The following TMEM237 variants were observed in gnomAD, a reference collection of about 807,000 sequenced individuals.
TMEM237 encodes amyotrophic lateral sclerosis 2 (juvenile) chromosome region, candidate 4.
Under a neutral mutation model 59.1 loss-of-function variants are expected in TMEM237, and 51 were observed. The observed-to-expected ratio is 0.86, with a 90% CI of 0.69 to 1.09. TMEM237 has a LOEUF of 1.09. Among genes scored for constraint, TMEM237 ranks in the 50% least tolerant of loss-of-function variants. The pLI is 0.00. For synonymous variants in TMEM237, 140 were observed against 166.1 expected, an observed-to-expected ratio of 0.84 and a Z score of 1.21; for missense variants, 475 against 478.3, an observed-to-expected ratio of 0.99 and a Z score of 0.06.
At position 201,643,494 on chromosome 2, in the gene TMEM237, G is replaced by T; in HGVS notation, c.-94C>A. On this transcript the variant is annotated 5_prime_UTR_variant, in exon 1 of 13. Coordinates refer to ENST00000409883, the MANE Select transcript of TMEM237 (RefSeq NM_001044385.3). This position sits in a 1 kb window ranked among gnomAD's most constrained non-coding sequence, Gnocchi z 4.3. ...CGGCCTCCGGGACCTGTGGGACGCC[G>T]GGGCTTCGTGGCGCCTGGCGAGGCA... is the stretch of plus-strand genomic sequence containing the variant. 8.9e-7 allele frequency: 1 copy of T among 1,123,288 alleles called. No homozygotes were observed. Among genetic ancestry groups the T allele is most frequent in the South Asian group, 2.4e-5 (1 of 42,510 alleles). The allele number at this position is 1,123,288 out of a possible 1,614,324, so 69.6% of individuals were successfully genotyped here.
At position 201,624,040 on chromosome 2, in the gene TMEM237, C is replaced by T; in HGVS notation, c.*215G>A. On this transcript the variant is annotated 3_prime_UTR_variant, in exon 13 of 13. Transcript: ENST00000409883. ...ACTTGCTGGTTTCTAGTTCATTATT[C>T]CCTTTGTCATTAAGATGATAATGCT... 1 of 383,864 alleles carries T rather than the reference C, an allele frequency of 2.6e-6. No individual in the cohort carries two copies. The highest frequency in any genetic ancestry group is 4.1e-5 in the East Asian group (1 of 24,370). The allele number at this position is 383,864 out of a possible 1,614,324, so 23.8% of individuals were successfully genotyped here. A position where few individuals can be genotyped will look rare whatever the true frequency, so the allele number is the denominator to read the frequency against.
intron 4 of TMEM237, among the ~76,000 whole-genome samples, chr2:201,637,947 A>T (rs1238682720): frequency 6.6e-6 from 1 of 152,190 alleles, no homozygotes; most frequent in Admixed American, 6.5e-5. Flanking sequence ...GCAAGATAAT[A>T]ACTAAAGCTT....
intron 12 of TMEM237, among the ~76,000 whole-genome samples, chr2:201,625,382 A>AAAAAAG (rs1559584016): frequency 6.6e-6 from 1 of 152,066 alleles, no homozygotes; most frequent in African/African-American, 2.4e-5. Context: ...AAATAAAAAA[A>AAAAAAG]AAAAGATATT....
chr2:201,637,034 C>T, intron 4 of TMEM237, 149 bp from the exon 5 acceptor site: 5 of 767,582 alleles, frequency 6.5e-6, no homozygotes, highest in Non-Finnish European at 7.7e-6. Flanking sequence ...TTTCCTTCCT[C>T]CTCACCTGTA....
chr2:201,627,394 G>C lies in TMEM237; in HGVS notation c.964C>G (p.Leu322Val), dbSNP rs2105898068. Reference protein sequence around the residue: ...ASFLYFTALILSLSQQMTSDR... With the variant: ...ASFLYFTALIVSLSQQMTSDR... ...CTTGTCATTTGCTGACTCAGAGATA[G>C]TATAAGAGCAGTAAAGTACACTGAG... Residue 322 changes from leucine (L) to valine (V), a missense_variant, in exon 11 of 13, where the codon CTA becomes GTA. Physicochemically the swap from Leu to Val is conservative, Grantham distance 32. Coordinates refer to ENST00000409883, the MANE Select transcript of TMEM237 (RefSeq NM_001044385.3). 1 of 1,601,928 alleles carries C rather than the reference G, an allele frequency of 6.2e-7. No homozygotes were observed. Among genetic ancestry groups the C allele is most frequent in the Non-Finnish European group, 8.5e-7 (1 of 1,173,542 alleles).
chr2:201,634,195 A>G (rs545128182), intron 5 of TMEM237, among the ~76,000 whole-genome samples: 10 of 152,282 alleles, frequency 6.6e-5, no homozygotes, highest in African/African-American at 1.7e-4. Flanking sequence ...CAGGTCTGCT[A>G]TATTAACTCT....
At position 201,643,286 on chromosome 2, in the gene TMEM237, A is replaced by ACCCCCC; in HGVS notation, c.42+72_42+73insGGGGGG. On this transcript the variant is annotated intron_variant, in intron 1 of 12. Transcript: ENST00000409883. This position sits in a 1 kb window ranked among gnomAD's most constrained non-coding sequence, Gnocchi z 4.3. Reference sequence around the variant, plus strand: ...CCAGCTCGTTGGCGCCCCCCCACACACACCCACCCCCACTGCCAAGTGTAG... The same window carrying ACCCCCC: ...CCAGCTCGTTGGCGCCCCCCCACACACCCCCCCACCCACCCCCACTGCCAAGTGTAG... The ACCCCCC allele has an allele frequency of 1.8e-6, 2 of 1,083,404 alleles. No homozygotes were observed. The highest frequency in any genetic ancestry group is 2.7e-6 in the Non-Finnish European group (2 of 752,042). The allele number at this position is 1,083,404 out of a possible 1,614,324, so 67.1% of individuals were successfully genotyped here. A position where few individuals can be genotyped will look rare whatever the true frequency, so the allele number is the denominator to read the frequency against.
At position 201,632,053 on chromosome 2, in the gene TMEM237, C is replaced by T; in HGVS notation, c.551G>A (p.Ser184Asn). The T allele has an allele frequency of 3.1e-6, 5 of 1,613,576 alleles. No individual in the cohort carries two copies. The highest frequency in any genetic ancestry group is 4.2e-6 in the Non-Finnish European group (5 of 1,179,688). The change falls in exon 7 of 13, where the codon AGC becomes AAC. Residue 184 changes from serine (S) to asparagine (N), a missense_variant and splice_region_variant. Coordinates refer to ENST00000409883, the MANE Select transcript of TMEM237 (RefSeq NM_001044385.3). ...TCTAAAACAAGGCATCTACTTACGGCTTTTTTCCACAAATACTTTGCCTAC... is the reference window on the plus strand; with the variant it reads ...TCTAAAACAAGGCATCTACTTACGGTTTTTTTCCACAAATACTTTGCCTAC... ...QPVGKVFVEK[S>N]RRFQAADRSE...
intron 2 of TMEM237, 79 bp from the exon 3 acceptor site, chr2:201,640,344 A>G: frequency 3.0e-6 from 4 of 1,342,066 alleles, no homozygotes; most frequent in Non-Finnish European, 4.0e-6. Context: ...GAAACCTGTT[A>G]ATATTCACAG....
At position 201,623,883 on chromosome 2, in the gene TMEM237, C is replaced by T. The variant is rs193251277; in HGVS notation, c.*372G>A. ...AGGCTTTTTTCCCTTCTACCATATTCGCTAAATTTATGTTTAAACCTGATA... is the reference window on the plus strand; with the variant it reads ...AGGCTTTTTTCCCTTCTACCATATTTGCTAAATTTATGTTTAAACCTGATA... On this transcript the variant is annotated 3_prime_UTR_variant, in exon 13 of 13. Transcript: ENST00000409883. 308 of 156,638 alleles carry T rather than the reference C, an allele frequency of 2.0e-3. 3 individuals carry two copies. The highest frequency in any genetic ancestry group is 7.1e-3 in the African/African-American group (296 of 41,662). 9.7% of individuals were successfully genotyped at this position (156,638 alleles called of 1,614,324 possible).
At chr2:201,642,109 C>G (rs1356499101) in intron 1 of TMEM237, among the ~76,000 whole-genome samples, 1 of 152,140 alleles carries the variant, frequency 6.6e-6, no homozygotes, top group East Asian at 1.9e-4. Flanking sequence ...CCTTCTAAAC[C>G]CTCATTTACA....
chr2:201,642,579 A>G, intron 1 of TMEM237: 2 of 1,601,276 alleles, frequency 1.2e-6, no homozygotes, highest in Non-Finnish European at 1.7e-6. Flanking sequence ...CAAAAATCCT[A>G]ACAATTAAAA....
At chr2:201,636,555 G>A in intron 5 of TMEM237, 193 bp downstream of exon 5, 1 of 604,380 alleles carries the variant, frequency 1.7e-6, no homozygotes, top group East Asian at 3.0e-5. Context: ...ATACATATAT[G>A]ATCAAAAGAG....
intron 4 of TMEM237, among the ~76,000 whole-genome samples, chr2:201,638,083 C>T (rs944388507): frequency 6.6e-6 from 1 of 152,176 alleles, no homozygotes; most frequent in Non-Finnish European, 1.5e-5. Flanking sequence ...TTATGCAGAA[C>T]TGCAACATTG....
chr2:201,624,189 A>C lies in TMEM237; in HGVS notation c.*66T>G, dbSNP rs1376149459. 7.8e-7 allele frequency: 1 copy of C among 1,287,430 alleles called. No individual in the cohort carries two copies. Among genetic ancestry groups the C allele is most frequent in the Non-Finnish European group, 1.1e-6 (1 of 895,766 alleles). 79.8% of individuals were successfully genotyped at this position (1,287,430 alleles called of 1,614,324 possible). On this transcript the variant is annotated 3_prime_UTR_variant, in exon 13 of 13. Coordinates refer to ENST00000409883, the MANE Select transcript of TMEM237 (RefSeq NM_001044385.3). ...CAAATACACATGTATACATCTTATAAAAATACATTTAAAAACAAAAATGGG... is the reference window on the plus strand; with the variant it reads ...CAAATACACATGTATACATCTTATACAAATACATTTAAAAACAAAAATGGG...
rs1029600326 is a variant in TMEM237, at chr2:201,620,734, A to T, written c.*3521T>A. The T allele has an allele frequency of 6.6e-6, 1 of 152,188 alleles. No homozygotes were observed. The highest frequency in any genetic ancestry group is 1.5e-5 in the Non-Finnish European group (1 of 68,048). The allele number at this position is 152,188 out of a possible 1,614,324, so 9.4% of individuals were successfully genotyped here. On this transcript the variant is annotated 3_prime_UTR_variant, in exon 13 of 13. Transcript: ENST00000409883. ...CTTTGTGCAAGGTGTGGTTTTGTGC[A>T]GTCTTTTAATGATAGTCCTCATTAT... is the stretch of plus-strand genomic sequence containing the variant.
In TMEM237 at chr2:201,626,033, A is replaced by G; in HGVS notation, c.1152T>C (p.Leu384=). The G allele has an allele frequency of 6.3e-7, 1 of 1,583,872 alleles. No individual in the cohort carries two copies. The highest frequency in any genetic ancestry group is 8.6e-7 in the Non-Finnish European group (1 of 1,163,990). ...LFLSYRPGMD[L]SEELMFSSEV... Reference sequence around the variant, plus strand: ...ATTTTTTTTCTTTAATACCTTCACTAAGATCCATGCCTGGCCTATAAGACA... The same window carrying G: ...ATTTTTTTTCTTTAATACCTTCACTGAGATCCATGCCTGGCCTATAAGACA... The change falls in exon 12 of 13, where the codon CTT becomes CTC. Residue 384 remains leucine (L), a synonymous_variant. Transcript: ENST00000409883.
At chr2:201,640,714 A>G (rs777819603) in intron 2 of TMEM237, among the ~76,000 whole-genome samples, 179 bp downstream of exon 2, 63 of 152,130 alleles carry the variant, frequency 4.1e-4, no homozygotes, top group Non-Finnish European at 2.9e-4. Flanking sequence ...ACATTCCATT[A>G]TAACTGTTAT....
At chr2:201,642,986 C>T in intron 1 of TMEM237, 1 of 1,296,582 alleles carries the variant, frequency 7.7e-7, no homozygotes, top group Non-Finnish European at 9.7e-7. Context: ...ACTCCGCAGG[C>T]GAACAGATCT....
Sources: gnomAD v4.1 joint callset for allele counts (sites outside exome capture counted in the v4.1 genomes callset) on GRCh38, gnomAD v4.1.1 for gene constraint, Gnocchi (gnomAD v3.1) non-coding constraint, MANE v1.5 for transcripts, NCBI Gene and HGNC (gene_info 2026-07-23, HGNC 2026-07-21) for gene names.